AMOTL1: variants seen among roughly 807,000 people sequenced by gnomAD.
The protein encoded by AMOTL1 is angiomotin-like protein 1.
A neutral mutation model predicts 102.9 loss-of-function variants in AMOTL1; 45 were observed. The ratio of observed to expected loss-of-function variants is 0.44; its 90% CI spans 0.34 to 0.56. The LOEUF (loss-of-function observed/expected upper bound fraction) is 0.56. Ranked by LOEUF, AMOTL1 falls within the 20% of genes least tolerant of loss-of-function variation. The pLI, the probability that AMOTL1 is intolerant of heterozygous loss-of-function variation, is 0.01. For synonymous variants in AMOTL1, 481 were observed against 484.7 expected, an observed-to-expected ratio of 0.99 and a Z score of 0.10; for missense variants, 1,114 against 1,225.6, an observed-to-expected ratio of 0.91 and a Z score of 1.36.
Position 94,768,577 on chromosome 11 carries a change from C to T in AMOTL1, c.49+17C>T, listed in dbSNP as rs1318229352. The T allele has an allele frequency of 1.3e-6, 2 of 1,586,424 alleles. No individual in the cohort carries two copies. The highest frequency in any genetic ancestry group is 2.7e-5 in the African/African-American group (2 of 74,142). On this transcript the variant is annotated intron_variant, in intron 1 of 12. Coordinates refer to ENST00000433060, the MANE Select transcript of AMOTL1 (RefSeq NM_130847.3). ...CGGTGAAAGGTAACCAGCCCCCACT[C>T]GAGGTGCCGGGAGGGCGTCTCCGAG...
chr11:94,873,775 C>CCACACA lies in AMOTL1; in HGVS notation c.*2980_*2981insCACACA. 1 of 111,308 alleles carries CCACACA rather than the reference C, an allele frequency of 9.0e-6. No individual in the cohort carries two copies. Among genetic ancestry groups the CCACACA allele is most frequent in the Non-Finnish European group, 1.8e-5 (1 of 56,706 alleles). The allele number at this position is 111,308 out of a possible 1,614,324, so 6.9% of individuals were successfully genotyped here. Reference sequence around the variant, plus strand: ...CTGTGATGTGTGTGTGCACGTGTAACTACACACACACACACACACACACAC... The same window carrying CCACACA: ...CTGTGATGTGTGTGTGCACGTGTAACCACACATACACACACACACACACACACACAC... On this transcript the variant is annotated 3_prime_UTR_variant, in exon 13 of 13. Transcript: ENST00000433060.
chr11:94,799,509 C>T lies in AMOTL1; in HGVS notation c.319C>T (p.Leu107=), dbSNP rs1289161398. 6.2e-7 allele frequency: 1 copy of T among 1,613,254 alleles called. No homozygotes were observed. Among genetic ancestry groups the T allele is most frequent in the South Asian group, 1.1e-5 (1 of 90,900 alleles). ...TVLQRLIQEQ[L]RYGTPTENMN... ...ATTGCAGCGGCTGATCCAGGAACAACTGCGGTATGGCACCCCAACCGAGAA... is the reference window on the plus strand; with the variant it reads ...ATTGCAGCGGCTGATCCAGGAACAATTGCGGTATGGCACCCCAACCGAGAA... Residue 107 remains leucine (L), a synonymous_variant, in exon 3 of 13, where the codon CTG becomes TTG. Coordinates refer to ENST00000433060, the MANE Select transcript of AMOTL1 (RefSeq NM_130847.3). This position sits in a 1 kb window ranked among gnomAD's most constrained non-coding sequence, Gnocchi z 4.5.
chr11:94,856,810 G>A (rs1952676039), intron 8 of AMOTL1, among the ~76,000 whole-genome samples: 1 of 152,194 alleles, frequency 6.6e-6, no homozygotes. Context: ...CATAGGGCAT[G>A]ATTCTGAAGA....
At chr11:94,774,799 G>A (rs1167486839) in intron 1 of AMOTL1, among the ~76,000 whole-genome samples, 3 of 152,216 alleles carry the variant, frequency 2.0e-5, no homozygotes, top group Non-Finnish European at 4.4e-5. Flanking sequence ...ATTGGGCCTG[G>A]ACTGAGATGC....
chr11:94,793,594 A>G (rs572375723), intron 1 of AMOTL1, among the ~76,000 whole-genome samples: 1 of 152,302 alleles, frequency 6.6e-6, no homozygotes, highest in African/African-American at 2.4e-5. Context: ...CCAGATTAGG[A>G]CTTGCCTTTG....
intron 1 of AMOTL1, among the ~76,000 whole-genome samples, chr11:94,781,107 T>G (rs1301890984): frequency 1.3e-5 from 2 of 152,106 alleles, no homozygotes; most frequent in African/African-American, 4.8e-5. Flanking sequence ...AAAACTAATC[T>G]CATGGAGCCT....
intron 6 of AMOTL1, among the ~76,000 whole-genome samples, chr11:94,849,405 A>C (rs1384054029): frequency 6.6e-6 from 1 of 152,236 alleles, no homozygotes; most frequent in Non-Finnish European, 1.5e-5. Context: ...CTTAAACTAC[A>C]ACAGTAGAGC....
chr11:94,751,700 TAAA>T (rs34946180), intron 3 of AMOTL1, among the ~76,000 whole-genome samples: 34 of 135,386 alleles, frequency 2.5e-4, no homozygotes, highest in East Asian at 2.1e-3. Flanking sequence ...CTGCTTTGGC[TAAA>T]AAAAAAAAAA....
intron 6 of AMOTL1, among the ~76,000 whole-genome samples, chr11:94,841,451 C>T (rs1433307731): frequency 2.6e-5 from 4 of 151,620 alleles, no homozygotes; most frequent in Admixed American, 2.6e-4. Flanking sequence ...GACTCTGTCT[C>T]AAAAAAAGAA....
intron 3 of AMOTL1, among the ~76,000 whole-genome samples, chr11:94,759,909 C>T (rs1040441144): frequency 6.6e-6 from 1 of 152,188 alleles, no homozygotes; most frequent in African/African-American, 2.4e-5. Flanking sequence ...TATCCTAAAC[C>T]AGTGGTTCTC....
chr11:94,869,517 C>A lies in AMOTL1; in HGVS notation c.2764+44C>A, dbSNP rs531711733. The A allele has an allele frequency of 3.3e-6, 5 of 1,529,988 alleles. No individual in the cohort carries two copies. In the East Asian group the frequency reaches 9.5e-5, roughly 29 times the overall value. The allele number at this position is 1,529,988 out of a possible 1,614,324, so 94.8% of individuals were successfully genotyped here. A position where few individuals can be genotyped will look rare whatever the true frequency, so the allele number is the denominator to read the frequency against. ...CTTGATGCCCCTGAAAACTGTGGAA[C>A]TGTCTGGCCTAAGAGAATCTTTTGT... On this transcript the variant is annotated intron_variant, in intron 12 of 12. Transcript: ENST00000433060.
intron 6 of AMOTL1, among the ~76,000 whole-genome samples, chr11:94,840,425 A>G (rs754416561): frequency 3.9e-5 from 6 of 152,008 alleles, no homozygotes; most frequent in Non-Finnish European, 5.9e-5. Context: ...GAAGGGGGAA[A>G]AAAAGGAATC....
At chr11:94,806,627 A>G (rs933826857) in intron 3 of AMOTL1, among the ~76,000 whole-genome samples, 1 of 152,196 alleles carries the variant, frequency 6.6e-6, no homozygotes, top group South Asian at 2.1e-4. Flanking sequence ...TTATGGCTGG[A>G]TGAAGGAAAT....
At chr11:94,824,149 C>A (rs1205720986) in intron 4 of AMOTL1, among the ~76,000 whole-genome samples, 1 of 152,160 alleles carries the variant, frequency 6.6e-6, no homozygotes, top group Admixed American at 6.5e-5. Context: ...ATTTTGATGA[C>A]CTCTGGAAGA....
At chr11:94,745,008 C>T (rs530719653) in intron 3 of AMOTL1, among the ~76,000 whole-genome samples, 3 of 151,958 alleles carry the variant, frequency 2.0e-5, no homozygotes, top group Non-Finnish European at 4.4e-5. Context: ...TTATCTTTAT[C>T]CCAGGGAATG....
At chr11:94,864,250 CAATAATAAT>C (rs143730804) in intron 9 of AMOTL1, among the ~76,000 whole-genome samples, 3 of 150,098 alleles carry the variant, frequency 2.0e-5, no homozygotes, top group Non-Finnish European at 3.0e-5. Flanking sequence ...CCAACAAATA[CAATAATAAT>C]AATAATAATA....
Position 94,849,261 on chromosome 11 carries a change from G to C in AMOTL1, c.1649-853G>C, listed in dbSNP as rs114972989. 2.4e-3 allele frequency among the ~76,000 whole-genome samples: 372 copies of C among 152,126 alleles called. 4 individuals carry two copies. Among genetic ancestry groups the C allele is most frequent in the African/African-American group, 8.2e-3 (342 of 41,494 alleles). ...TTATTTGGCCAATCTCTTACGTACTGTTTGTTCAATTTTCCATATTATAAG... is the reference window on the plus strand; with the variant it reads ...TTATTTGGCCAATCTCTTACGTACTCTTTGTTCAATTTTCCATATTATAAG... On this transcript the variant is annotated intron_variant, in intron 6 of 12. Coordinates refer to ENST00000433060, the MANE Select transcript of AMOTL1 (RefSeq NM_130847.3).
At chr11:94,823,760 G>C (rs1053121817) in intron 4 of AMOTL1, among the ~76,000 whole-genome samples, 2 of 150,886 alleles carry the variant, frequency 1.3e-5, no homozygotes, top group Non-Finnish European at 2.9e-5. Flanking sequence ...TCCATTGCCA[G>C]GTTGGAGTGC....
At chr11:94,765,383 G>A (rs1375246490), upstream of AMOTL1, among the ~76,000 whole-genome samples, 2 of 152,144 alleles carry the variant, frequency 1.3e-5, no homozygotes, top group African/African-American at 4.8e-5. Flanking sequence ...AGATGTTATT[G>A]ATAACTTCTT....
Sources: allele counts gnomAD v4.1 joint callset (sites outside exome capture counted in the v4.1 genomes callset), GRCh38; gene constraint gnomAD v4.1.1; non-coding constraint Gnocchi (gnomAD v3.1); transcripts MANE v1.5; gene names NCBI Gene and HGNC (gene_info 2026-07-23, HGNC 2026-07-21).